Variants in MBOAT2 observed in about 807,000 individuals in gnomAD.
The protein encoded by MBOAT2 is membrane-bound glycerophospholipid O-acyltransferase 2.
In MBOAT2, 28 loss-of-function variants were observed where a neutral mutation model predicts 63.4. The observed-to-expected ratio is 0.44, with a 90% CI of 0.33 to 0.61. MBOAT2 has a LOEUF of 0.61. MBOAT2 is among the 20% of genes least tolerant of loss of function. The probability of loss-of-function intolerance (pLI) is 0.03; values close to 1 mark genes in which losing one functional copy is unlikely to be tolerated. For missense variants in MBOAT2, 470 were observed against 605.8 expected (o/e 0.78, Z 2.35); for synonymous variants, 211 against 215.6 (o/e 0.98, Z 0.19).
chr2:8,853,429 G>A lies in MBOAT2; in HGVS notation c.*5250C>T, dbSNP rs994799245. On this transcript the variant is annotated 3_prime_UTR_variant, in exon 13 of 13. Coordinates refer to ENST00000305997, the MANE Select transcript of MBOAT2 (RefSeq NM_138799.4). ...TGTCAAACTCTCAACATATATTTTC[G>A]TCCTTTAATGCAAAAGGACAGGGGG... is the stretch of plus-strand genomic sequence containing the variant. 4.6e-5 allele frequency: 7 copies of A among 152,090 alleles called. No homozygotes were observed. In the South Asian group the frequency reaches 6.2e-4, roughly 14 times the overall value. The allele number at this position is 152,090 out of a possible 1,614,324, so 9.4% of individuals were successfully genotyped here. A position where few individuals can be genotyped will look rare whatever the true frequency, so the allele number is the denominator to read the frequency against.
At chr2:8,866,760 A>G (rs1305105335) in intron 9 of MBOAT2, among the ~76,000 whole-genome samples, 1 of 152,248 alleles carries the variant, frequency 6.6e-6, no homozygotes, top group Non-Finnish European at 1.5e-5. Context: ...CATATGTCCC[A>G]TAGAACTTCT....
At chr2:9,001,260 C>T (rs780528189) in intron 1 of MBOAT2, among the ~76,000 whole-genome samples, 3 of 151,910 alleles carry the variant, frequency 2.0e-5, no homozygotes. Flanking sequence ...ATACATAAAC[C>T]AGTGATGCAC....
intron 4 of MBOAT2, among the ~76,000 whole-genome samples, chr2:8,899,273 G>A (rs1052759670): frequency 6.6e-6 from 1 of 152,182 alleles, no homozygotes; most frequent in Non-Finnish European, 1.5e-5. Flanking sequence ...CCTAATAAGG[G>A]TGTGGGACTT....
At chr2:8,941,186 T>A (rs1668027942) in intron 3 of MBOAT2, among the ~76,000 whole-genome samples, 1 of 152,168 alleles carries the variant, frequency 6.6e-6, no homozygotes, top group Admixed American at 6.5e-5. Context: ...TATGTACTTT[T>A]CAAATTAATT....
Position 8,994,717 on chromosome 2 carries a change from C to T in MBOAT2, c.75+8823G>A, listed in dbSNP as rs150043798. Among the ~76,000 whole-genome samples, 158 of 152,164 alleles carry T rather than the reference C, an allele frequency of 1.0e-3. 1 individual carries two copies. The highest frequency in any genetic ancestry group is 3.6e-3 in the African/African-American group (149 of 41,508). On this transcript the variant is annotated intron_variant, in intron 1 of 12. Coordinates refer to ENST00000305997, the MANE Select transcript of MBOAT2 (RefSeq NM_138799.4). ...TTAGGGCATGTAGGTGTAGCATGCA[C>T]GAACATATCATGCATGCAAGATACC...
Position 8,855,500 on chromosome 2 carries a change from A to T in MBOAT2, c.*3179T>A, listed in dbSNP as rs1661024966. The T allele has an allele frequency of 6.6e-6, 1 of 152,248 alleles. No homozygotes were observed. The highest frequency in any genetic ancestry group is 2.1e-4 in the South Asian group (1 of 4,838). The allele number at this position is 152,248 out of a possible 1,614,324, so 9.4% of individuals were successfully genotyped here. A position where few individuals can be genotyped will look rare whatever the true frequency, so the allele number is the denominator to read the frequency against. On this transcript the variant is annotated 3_prime_UTR_variant, in exon 13 of 13. Coordinates refer to ENST00000305997, the MANE Select transcript of MBOAT2 (RefSeq NM_138799.4). ...TTTGGAAATCCTGTGTGTGTCACAC[A>T]TGGTGGAGACCAATAAATATATTTT...
At chr2:8,950,569 A>G (rs2103257046) in intron 2 of MBOAT2, among the ~76,000 whole-genome samples, 1 of 152,244 alleles carries the variant, frequency 6.6e-6, no homozygotes, top group Middle Eastern at 3.4e-3. Flanking sequence ...CTGGTACTAC[A>G]GGCGCCTGCC....
intron 1 of MBOAT2, among the ~76,000 whole-genome samples, chr2:8,965,573 AT>A (rs1411492383): frequency 6.6e-6 from 1 of 152,212 alleles, no homozygotes; most frequent in Non-Finnish European, 1.5e-5. Flanking sequence ...ACAAATTTAC[AT>A]TCTGTCTCCA....
At chr2:8,877,282 C>A in intron 6 of MBOAT2, 69 bp from the exon 7 acceptor site, 1 of 1,394,838 alleles carries the variant, frequency 7.2e-7, no homozygotes, top group South Asian at 1.4e-5. Context: ...GAATAACGAT[C>A]CACCTCACTG....
intron 4 of MBOAT2, among the ~76,000 whole-genome samples, chr2:8,904,312 T>A (rs1009004602): frequency 2.1e-5 from 3 of 140,258 alleles, no homozygotes; most frequent in Admixed American, 6.8e-5. Flanking sequence ...TGTTTTTATT[T>A]TTTATTTTTT....
intron 3 of MBOAT2, among the ~76,000 whole-genome samples, chr2:8,942,418 A>G (rs1668119766): frequency 6.6e-6 from 1 of 152,222 alleles, no homozygotes; most frequent in Non-Finnish European, 1.5e-5. Flanking sequence ...TCAATCAAGT[A>G]CATTTTATCC....
At chr2:8,944,230 T>C (rs1668253978) in intron 2 of MBOAT2, among the ~76,000 whole-genome samples, 1 of 152,198 alleles carries the variant, frequency 6.6e-6, no homozygotes, top group Non-Finnish European at 1.5e-5. Flanking sequence ...AATTTACTCA[T>C]TTCACAAAAT....
At chr2:8,926,784 G>A (rs2103188908) in intron 3 of MBOAT2, among the ~76,000 whole-genome samples, 1 of 152,320 alleles carries the variant, frequency 6.6e-6, no homozygotes, top group African/African-American at 2.4e-5. Context: ...CTGGCTGGCA[G>A]AGTAATGTGA....
rs376347817 is a variant in MBOAT2, at chr2:8,892,846, G to A, written c.396-4773C>T. On this transcript the variant is annotated intron_variant, in intron 4 of 12. Coordinates refer to ENST00000305997, the MANE Select transcript of MBOAT2 (RefSeq NM_138799.4). ...GACTGGCATGTTGGAGGATCAGTAC[G>A]GAGGCCAATGTGATGAGCAAGGAGG... Among the ~76,000 whole-genome samples, 9 of 152,178 alleles carry A rather than the reference G, an allele frequency of 5.9e-5. No homozygotes were observed. The South Asian group carries it at 1.0e-3, about 18-fold the overall frequency.
intron 1 of MBOAT2, among the ~76,000 whole-genome samples, chr2:8,979,422 C>G (rs1671050621): frequency 6.6e-6 from 1 of 152,022 alleles, no homozygotes; most frequent in East Asian, 1.9e-4. Context: ...CTCAATGTCA[C>G]ACATGATGAA....
At chr2:8,890,185 C>T (rs907274435) in intron 4 of MBOAT2, among the ~76,000 whole-genome samples, 4 of 152,166 alleles carry the variant, frequency 2.6e-5, no homozygotes, top group Non-Finnish European at 5.9e-5. Context: ...AAGCATTTTA[C>T]AAGGATAAGT....
Position 8,958,428 on chromosome 2 carries a change from T to C in MBOAT2, c.221+69A>G, listed in dbSNP as rs1669379841. The C allele has an allele frequency of 2.4e-5, 34 of 1,407,566 alleles. No homozygotes were observed. In the South Asian group the frequency reaches 5.2e-4, roughly 22 times the overall value. The allele number at this position is 1,407,566 out of a possible 1,614,324, so 87.2% of individuals were successfully genotyped here. ...GAACAAAACCCTACATAATGTATCT[T>C]TCCACACACTCAATTCTCAAATACA... On this transcript the variant is annotated intron_variant, in intron 2 of 12. Coordinates refer to ENST00000305997, the MANE Select transcript of MBOAT2 (RefSeq NM_138799.4).
intron 3 of MBOAT2, among the ~76,000 whole-genome samples, chr2:8,930,461 T>G (rs897847512): frequency 1.3e-5 from 2 of 152,178 alleles, no homozygotes; most frequent in African/African-American, 2.4e-5. Context: ...TGCCACATTT[T>G]CTTAATCCAG....
intron 1 of MBOAT2, among the ~76,000 whole-genome samples, chr2:8,987,079 T>C (rs13006592): frequency 0.13 from 20,382 of 152,228 alleles, 1,748 homozygotes; most frequent in South Asian, 0.29. Context: ...TCAATAATAA[T>C]TATCAATACT....
Sources: allele counts gnomAD v4.1 joint callset (sites outside exome capture counted in the v4.1 genomes callset), GRCh38; gene constraint gnomAD v4.1.1; transcripts MANE v1.5; gene names NCBI Gene and HGNC (gene_info 2026-07-23, HGNC 2026-07-21).